Variants in TEX26 observed in about 807,000 individuals in gnomAD.
The protein encoded by TEX26 is testis expressed 26.
Under a neutral mutation model 35.3 loss-of-function variants are expected in TEX26, and 34 were observed. The ratio of observed to expected loss-of-function variants is 0.96; its 90% CI spans 0.73 to 1.28. The LOEUF is 1.28. Among genes scored for constraint, TEX26 ranks in the 50% most tolerant of loss-of-function variants. The probability of loss-of-function intolerance (pLI) is 0.00; values close to 1 mark genes in which losing one functional copy is unlikely to be tolerated. For synonymous variants in TEX26, 136 were observed against 111.8 expected, an observed-to-expected ratio of 1.22 and a Z score of -1.36; for missense variants, 371 against 330.1, an observed-to-expected ratio of 1.12 and a Z score of -0.96.
intron 5 of TEX26, among the ~76,000 whole-genome samples, chr13:30,967,159 C>T (rs778487208): frequency 3.9e-5 from 6 of 152,184 alleles, no homozygotes; most frequent in Non-Finnish European, 8.8e-5. Context: ...CAAGCCACCT[C>T]CAAGCTACTA....
chr13:30,963,011 G>C (rs1954403351), intron 4 of TEX26, among the ~76,000 whole-genome samples: 2 of 149,680 alleles, frequency 1.3e-5, no homozygotes, highest in African/African-American at 5.0e-5. Flanking sequence ...TGTATTTTTA[G>C]TAGGGACGGG....
Position 30,939,007 on chromosome 13 carries a change from C to T in TEX26, c.62-687C>T, listed in dbSNP as rs531192918. On this transcript the variant is annotated intron_variant, in intron 1 of 6. Transcript: ENST00000380473. ...CATTACAAGACATGAATTAGAACTA[C>T]GCCAGATGACTTGGAGGAGTTTTCT... Among the ~76,000 whole-genome samples the T allele has an allele frequency of 7.9e-5, 12 of 152,334 alleles. 1 individual carries two copies. The South Asian group carries it at 1.2e-3, about 16-fold the overall frequency.
chr13:30,949,656 C>CA (rs981483884), intron 2 of TEX26, among the ~76,000 whole-genome samples: 1 of 151,062 alleles, frequency 6.6e-6, no homozygotes, highest in Non-Finnish European at 1.5e-5. Flanking sequence ...GCATTATATC[C>CA]AAAAATAATG....
At chr13:30,934,900 G>T (rs1332126598) in intron 1 of TEX26, among the ~76,000 whole-genome samples, 1 of 152,224 alleles carries the variant, frequency 6.6e-6, no homozygotes, top group East Asian at 1.9e-4. Flanking sequence ...ACCCACGGCT[G>T]CAGACCTGGG....
intron 1 of TEX26, among the ~76,000 whole-genome samples, chr13:30,936,353 C>T (rs1474848052): frequency 6.6e-6 from 1 of 152,144 alleles, no homozygotes; most frequent in Non-Finnish European, 1.5e-5. Flanking sequence ...GCCATCTTTC[C>T]CTTTGCTCCA....
rs368624356 is a variant in TEX26, at chr13:30,966,229, G to A, written c.477G>A (p.Lys159=). The change falls in exon 5 of 7, where the codon AAG becomes AAA. Residue 159 remains lysine, a synonymous_variant. Coordinates refer to ENST00000380473, the MANE Select transcript of TEX26 (RefSeq NM_152325.3). ...RDFVDRSKAQ[K]IKKSSHLSLE... ...ATTTCCATTCCACCCCAGCTCAGAAGATTAAGAAAAGTTCTCACTTGTCTC... is the reference window on the plus strand; with the variant it reads ...ATTTCCATTCCACCCCAGCTCAGAAAATTAAGAAAAGTTCTCACTTGTCTC... 18 of 1,613,800 alleles carry A rather than the reference G, an allele frequency of 1.1e-5. No individual in the cohort carries two copies. Among genetic ancestry groups the A allele is most frequent in the Non-Finnish European group, 1.4e-5 (17 of 1,179,982 alleles).
intron 1 of TEX26, among the ~76,000 whole-genome samples, chr13:30,938,234 G>A (rs1953344284): frequency 1.3e-5 from 2 of 152,144 alleles, no homozygotes; most frequent in Non-Finnish European, 2.9e-5. Flanking sequence ...GTATATTCCT[G>A]AGAAATTTGG....
At chr13:30,960,503 C>T (rs1315370301) in intron 4 of TEX26, among the ~76,000 whole-genome samples, 2 of 152,172 alleles carry the variant, frequency 1.3e-5, no homozygotes, top group Non-Finnish European at 2.9e-5. Context: ...CCTCAGCCTC[C>T]CAAAGTGCTA....
At chr13:30,941,822 G>A (rs1426084569) in intron 2 of TEX26, among the ~76,000 whole-genome samples, 10 of 152,066 alleles carry the variant, frequency 6.6e-5, no homozygotes, top group Admixed American at 2.0e-4. Flanking sequence ...AAGTTGCTGC[G>A]AAAGACATTA....
chr13:30,954,199 T>C lies in TEX26; in HGVS notation c.312+1374T>C, dbSNP rs144334622. On this transcript the variant is annotated intron_variant, in intron 3 of 6. Transcript: ENST00000380473. ...CATTAGAATGTATACATATAGCTGA[T>C]TAAATTTGGTTCCTTGTGATATCCA... Among the ~76,000 whole-genome samples the C allele has an allele frequency of 2.5e-3, 380 of 151,370 alleles. 2 individuals carry two copies. Among genetic ancestry groups the C allele is most frequent in the African/African-American group, 8.9e-3 (365 of 41,156 alleles).
At chr13:30,972,121 C>A (rs1954731974) in intron 6 of TEX26, among the ~76,000 whole-genome samples, 1 of 152,136 alleles carries the variant, frequency 6.6e-6, no homozygotes, top group South Asian at 2.1e-4. Flanking sequence ...GGTACAGTAG[C>A]AGTCTGTGAG....
At chr13:30,936,491 G>A (rs1444690778) in intron 1 of TEX26, among the ~76,000 whole-genome samples, 1 of 152,156 alleles carries the variant, frequency 6.6e-6, no homozygotes, top group African/African-American at 2.4e-5. Flanking sequence ...TCACAGCTCA[G>A]ATGCCACCTA....
At chr13:30,974,131 A>AAAAAAAAAAAT in intron 6 of TEX26, among the ~76,000 whole-genome samples, 4 of 84,418 alleles carry the variant, frequency 4.7e-5, no homozygotes, top group Middle Eastern at 8.8e-3. Context: ...AAAAAAAAAA[A>AAAAAAAAAAAT]ATATATATAT....
intron 2 of TEX26, among the ~76,000 whole-genome samples, chr13:30,941,722 C>T (rs1953520741): frequency 6.6e-6 from 1 of 152,118 alleles, no homozygotes; most frequent in Non-Finnish European, 1.5e-5. Context: ...AGCTTAGTTC[C>T]CACTTATCAG....
At chr13:30,953,389 A>T (rs1391767074) in intron 3 of TEX26, among the ~76,000 whole-genome samples, 2 of 152,342 alleles carry the variant, frequency 1.3e-5, no homozygotes, top group African/African-American at 4.8e-5. Context: ...TATTATGAAG[A>T]CTACCCATGT....
At chr13:30,942,738 G>A in intron 2 of TEX26, among the ~76,000 whole-genome samples, 1 of 152,008 alleles carries the variant, frequency 6.6e-6, no homozygotes, top group East Asian at 1.9e-4. Flanking sequence ...ATTAAATATG[G>A]TGTCCTTTCC....
At chr13:30,939,586 C>G in intron 1 of TEX26, 108 bp from the exon 2 acceptor site, 1 of 942,076 alleles carries the variant, frequency 1.1e-6, no homozygotes, top group South Asian at 1.5e-5. Context: ...TAAAGATAAA[C>G]CATCCAAAAT....
chr13:30,936,839 A>G (rs1262704732), intron 1 of TEX26: 2 of 985,352 alleles, frequency 2.0e-6, no homozygotes, highest in African/African-American at 3.5e-5. Context: ...AGAAGAAAGT[A>G]GTGACTTGCA....
chr13:30,963,827 C>G (rs1401812538), intron 4 of TEX26, among the ~76,000 whole-genome samples: 2 of 152,214 alleles, frequency 1.3e-5, no homozygotes, highest in East Asian at 3.9e-4. Flanking sequence ...CCTGTTCATT[C>G]TATAGATATT....
Sources: allele counts gnomAD v4.1 joint callset (sites outside exome capture counted in the v4.1 genomes callset), GRCh38; gene constraint gnomAD v4.1.1; transcripts MANE v1.5; gene names NCBI Gene and HGNC (gene_info 2026-07-23, HGNC 2026-07-21).